The following SMC6 variants were observed in gnomAD, a reference collection of about 807,000 sequenced individuals.
SMC6 encodes structural maintenance of chromosomes 6.
Under a neutral mutation model 142.2 loss-of-function variants are expected in SMC6, and 79 were observed. The ratio of observed to expected loss-of-function variants is 0.56; its 90% CI spans 0.46 to 0.67. The LOEUF (loss-of-function observed/expected upper bound fraction) is 0.67, where lower values mean the gene tolerates loss of function less well. SMC6 is among the 30% of genes least tolerant of loss of function. SMC6 has a pLI of 0.00. For synonymous variants in SMC6, 411 were observed against 412.4 expected, an observed-to-expected ratio of 1.00 and a Z score of 0.04; for missense variants, 1,072 against 1,284.0, an observed-to-expected ratio of 0.83 and a Z score of 2.52.
rs1459818234 is a variant in SMC6 at position 17,695,268 on chromosome 2, G to A, written c.2562C>T (p.Cys854=). 6.2e-7 allele frequency: 1 copy of A among 1,612,928 alleles called. No homozygotes were observed. The highest frequency in any genetic ancestry group is 2.2e-5 in the East Asian group (1 of 44,744). The change falls in exon 23 of 28, where the codon TGC becomes TGT. Residue 854 remains cysteine (C), a synonymous_variant. Transcript: ENST00000448223. Reference sequence around the variant, plus strand: ...ATTTTTCTACTTCTATACGCTCTGGGCAGATTTGTCTTGCTTGTGACATTT... The same window carrying A: ...ATTTTTCTACTTCTATACGCTCTGGACAGATTTGTCTTGCTTGTGACATTT... ...EEKMSQARQI[C]PERIEVEKSA...
At chr2:17,741,062 C>A (rs2125072126) in intron 4 of SMC6, among the ~76,000 whole-genome samples, 1 of 152,282 alleles carries the variant, frequency 6.6e-6, no homozygotes, top group African/African-American at 2.4e-5. Context: ...TAAGGTTATT[C>A]ACCAGTTCCT....
chr2:17,714,925 C>G lies in SMC6; in HGVS notation c.1666G>C (p.Gly556Arg), dbSNP rs746932481. ...QALMKRFYLPGTSRPPIIVSE... is the reference protein window; with the variant it reads ...QALMKRFYLPRTSRPPIIVSE... ...ACTATTATCGGTGGCCGTGAGGTCCCTGGTAAATAAAACCTTTTCATGAGT... is the reference window on the plus strand; with the variant it reads ...ACTATTATCGGTGGCCGTGAGGTCCGTGGTAAATAAAACCTTTTCATGAGT... Residue 556 changes from glycine to arginine, a missense_variant, in exon 16 of 28, where the codon GGG becomes CGG. Around this residue, in one of 3 missense-constraint regions of SMC6, gnomAD observed 994 missense variants for 1,153.2 expected, o/e 0.86. Coordinates refer to ENST00000448223, the MANE Select transcript of SMC6 (RefSeq NM_001142286.2). 6.2e-7 allele frequency: 1 copy of G among 1,613,840 alleles called. No homozygotes were observed. Among genetic ancestry groups the G allele is most frequent in the Non-Finnish European group, 8.5e-7 (1 of 1,179,908 alleles).
intron 26 of SMC6, among the ~76,000 whole-genome samples, chr2:17,668,139 C>G (rs1430318118): frequency 6.6e-6 from 1 of 152,190 alleles, no homozygotes; most frequent in East Asian, 1.9e-4. Flanking sequence ...GATTAAGAAG[C>G]TCTAAGTTTC....
intron 23 of SMC6, among the ~76,000 whole-genome samples, chr2:17,693,030 G>A (rs139255421): frequency 3.8e-4 from 58 of 152,268 alleles, no homozygotes; most frequent in Non-Finnish European, 6.6e-4. Flanking sequence ...CAGTTAGAAT[G>A]GCGATCATTA....
chr2:17,671,082 C>T (rs143040778), intron 25 of SMC6, among the ~76,000 whole-genome samples: 86 of 151,406 alleles, frequency 5.7e-4, no homozygotes, highest in African/African-American at 2.1e-3. Context: ...CCATGTTGCC[C>T]AGGCTGGTCT....
At chr2:17,732,448 C>G (rs111662370) in intron 5 of SMC6, among the ~76,000 whole-genome samples, 1,589 of 152,210 alleles carry the variant, frequency 0.01, 38 homozygotes, top group African/African-American at 0.036. Context: ...CCTGTAATCC[C>G]AGCACTCTGC....
Position 17,721,255 on chromosome 2 carries a change from T to C in SMC6, c.733A>G (p.Thr245Ala). Residue 245 changes from threonine (T) to alanine (A), a missense_variant, in exon 10 of 28, where the codon ACT becomes GCT. Physicochemically the swap from Thr to Ala is moderately conservative, Grantham distance 58. Transcript: ENST00000448223. ...TCTACACACTGGCGCTTTAGTTCAG[T>C]AAGCCGCTTAAAAAAAGAAAACAGA... ...EQIHQGEERL[T>A]ELKRQCVEKE... The C allele has an allele frequency of 6.4e-7, 1 of 1,572,194 alleles. No homozygotes were observed. Among genetic ancestry groups the C allele is most frequent in the Non-Finnish European group, 8.6e-7 (1 of 1,167,468 alleles).
At chr2:17,748,073 TA>T (rs967590227) in intron 2 of SMC6, among the ~76,000 whole-genome samples, 112 of 152,314 alleles carry the variant, frequency 7.4e-4, no homozygotes, top group African/African-American at 2.6e-3. Context: ...TACAGTGTCA[TA>T]AATTATAAGG....
At chr2:17,715,269 G>C (rs1669027143) in intron 15 of SMC6, among the ~76,000 whole-genome samples, 1 of 151,886 alleles carries the variant, frequency 6.6e-6, no homozygotes, top group East Asian at 1.9e-4. Context: ...AACTGAATGG[G>C]AAATCCCCTA....
intron 18 of SMC6, 113 bp from the exon 19 acceptor site, chr2:17,703,405 T>C: frequency 1.1e-6 from 1 of 922,332 alleles, no homozygotes; most frequent in South Asian, 1.9e-5. Flanking sequence ...TGCAAAATCC[T>C]TTTCAGTTAA....
intron 11 of SMC6, among the ~76,000 whole-genome samples, chr2:17,720,256 A>C (rs1362660532): frequency 6.6e-6 from 1 of 152,236 alleles, no homozygotes; most frequent in African/African-American, 2.4e-5. Flanking sequence ...TAAAGGGTCC[A>C]CATGGAAAGC....
At chr2:17,743,591 T>C (rs938396685) in intron 3 of SMC6, among the ~76,000 whole-genome samples, 3 of 152,130 alleles carry the variant, frequency 2.0e-5, no homozygotes, top group Non-Finnish European at 4.4e-5. Context: ...CACTAACATA[T>C]CATTATCAAC....
intron 8 of SMC6, among the ~76,000 whole-genome samples, chr2:17,726,087 TAAAAAA>T (rs35471536): frequency 2.5e-4 from 14 of 54,964 alleles, no homozygotes; most frequent in African/African-American, 1.3e-3. Context: ...GGCTCTGTCT[TAAAAAA>T]AAAAAAAAAA....
chr2:17,740,650 T>C (rs878981381), intron 4 of SMC6: 1 of 385,970 alleles, frequency 2.6e-6, no homozygotes, highest in African/African-American at 2.2e-5. Context: ...AGCTCAGGAG[T>C]TTGAGATCAG....
At chr2:17,680,326 A>T (rs1667184406) in intron 24 of SMC6, 1 of 152,238 alleles carries the variant, frequency 6.6e-6, no homozygotes, top group Non-Finnish European at 1.5e-5. Flanking sequence ...CAATAAAGTG[A>T]GTCACACACA....
At chr2:17,714,246 C>T (rs192462413) in intron 16 of SMC6, among the ~76,000 whole-genome samples, 30 of 152,034 alleles carry the variant, frequency 2.0e-4, no homozygotes, top group Non-Finnish European at 3.8e-4. Flanking sequence ...CAGGCACACA[C>T]GACCAAGCCT....
chr2:17,740,605 A>G, intron 4 of SMC6: 1 of 323,830 alleles, frequency 3.1e-6, no homozygotes, highest in Non-Finnish European at 6.0e-6. Context: ...TGTTAATCCC[A>G]GCACTCTGCG....
In SMC6 at chr2:17,694,720, G is replaced by C. The variant is rs1339002190; in HGVS notation, c.2678+432C>G. Among the ~76,000 whole-genome samples the C allele has an allele frequency of 2.3e-5, 3 of 128,848 alleles. 1 individual carries two copies. The South Asian group carries it at 6.9e-4, about 30-fold the overall frequency. The allele number at this position is 128,848 out of a possible 152,430, so 84.5% of individuals were successfully genotyped here. On this transcript the variant is annotated intron_variant, in intron 23 of 27. Coordinates refer to ENST00000448223, the MANE Select transcript of SMC6 (RefSeq NM_001142286.2). The stretch of plus-strand genomic sequence containing the variant: ...TCAAGATACTCTTTCTTCAGAACCT[G>C]TGCTCTAATTATCAAGAGCATCTGT...
At chr2:17,683,609 T>C in intron 24 of SMC6, 29 bp downstream of exon 24, 2 of 1,563,216 alleles carry the variant, frequency 1.3e-6, no homozygotes, top group Non-Finnish European at 1.7e-6. Flanking sequence ...AAATGTATAA[T>C]ATATAGTAAC....
Sources: gnomAD v4.1 joint callset for allele counts (sites outside exome capture counted in the v4.1 genomes callset) on GRCh38, gnomAD v4.1.1 for gene constraint, gnomAD v4.1.1 regional missense constraint, MANE v1.5 for transcripts, NCBI Gene and HGNC (gene_info 2026-07-23, HGNC 2026-07-21) for gene names.